Variants in AFF3 observed in about 807,000 individuals in gnomAD.
The protein encoded by AFF3 is ALF transcription elongation factor 3.
In AFF3, 32 loss-of-function variants were observed where a neutral mutation model predicts 129.7. That is an observed-to-expected ratio of 0.25 (90% CI 0.19 to 0.33). AFF3 has a LOEUF of 0.33. AFF3 is among the 10% of genes least tolerant of loss of function. The pLI is 1.00. For missense variants in AFF3, 1,373 were observed against 1,592.0 expected (o/e 0.86, Z 2.34); for synonymous variants, 644 against 635.4 (o/e 1.01, Z -0.20).
chr2:99,912,073 A>G (rs1478830330), intron 7 of AFF3, among the ~76,000 whole-genome samples: 1 of 152,204 alleles, frequency 6.6e-6, no homozygotes, highest in Non-Finnish European at 1.5e-5. Flanking sequence ...TCAGAGATCA[A>G]TGGGAGTAAT....
At chr2:99,621,534 T>G (rs1682013723) in intron 13 of AFF3, among the ~76,000 whole-genome samples, 1 of 152,238 alleles carries the variant, frequency 6.6e-6, no homozygotes, top group Admixed American at 6.5e-5. Context: ...CGGTGCTCCT[T>G]GCCTGTCACT....
At chr2:99,900,452 C>G (rs1694264339) in intron 7 of AFF3, among the ~76,000 whole-genome samples, 3 of 152,150 alleles carry the variant, frequency 2.0e-5, no homozygotes, top group Admixed American at 2.0e-4. Context: ...CAGTGACCAC[C>G]CAGGGCTCAT....
At chr2:99,567,539 G>A (rs560023338) in intron 19 of AFF3, among the ~76,000 whole-genome samples, 1 of 152,160 alleles carries the variant, frequency 6.6e-6, no homozygotes, top group African/African-American at 2.4e-5. Context: ...TGATGGGGCC[G>A]CAGAGAGGCT....
chr2:99,946,435 C>A (rs1381057654), intron 7 of AFF3, among the ~76,000 whole-genome samples: 1 of 140,494 alleles, frequency 7.1e-6, no homozygotes, highest in African/African-American at 2.7e-5. Context: ...AATCACACCA[C>A]TGCACTCCAG....
At chr2:99,984,578 TAATGGAATAGA>T (rs1037067067) in intron 7 of AFF3, among the ~76,000 whole-genome samples, 8 of 152,022 alleles carry the variant, frequency 5.3e-5, no homozygotes, top group African/African-American at 1.4e-4. Flanking sequence ...AACGTAAAAA[TAATGGAATAGA>T]AATGGAAAGA....
In AFF3 at chr2:99,865,940, A is replaced by G. The variant is rs74572466; in HGVS notation, c.874-28416T>C. 6.5e-4 allele frequency among the ~76,000 whole-genome samples: 99 copies of G among 152,374 alleles called. 3 individuals carry two copies. The East Asian group carries it at 0.018, about 28-fold the overall frequency. ...GACACTACAGTTCAATCATTCATTC[A>G]ACAAATATGTTAAGCTCCTACGATG... On this transcript the variant is annotated intron_variant, in intron 7 of 24. Transcript: ENST00000672756.
At chr2:100,038,727 C>CT (rs769729156) in intron 4 of AFF3, among the ~76,000 whole-genome samples, 3,159 of 142,218 alleles carry the variant, frequency 0.022, 115 homozygotes, top group African/African-American at 0.073. Context: ...TCTTCTTCTT[C>CT]TTTTTTTTTT....
At chr2:100,079,298 C>T (rs1435654747) in intron 4 of AFF3, among the ~76,000 whole-genome samples, 2 of 152,086 alleles carry the variant, frequency 1.3e-5, no homozygotes, top group Admixed American at 6.5e-5. Context: ...ATGTGGAAAC[C>T]GCAGATATGG....
chr2:99,758,049 TG>T (rs920217391), intron 8 of AFF3, among the ~76,000 whole-genome samples: 3 of 152,208 alleles, frequency 2.0e-5, no homozygotes, highest in Non-Finnish European at 4.4e-5. Context: ...GCAGAATGGG[TG>T]CTCACTTCAT....
chr2:99,736,611 T>TG (rs1167578104), intron 10 of AFF3, among the ~76,000 whole-genome samples: 1 of 147,900 alleles, frequency 6.8e-6, no homozygotes, highest in Non-Finnish European at 1.5e-5. Flanking sequence ...ATTACTGATT[T>TG]TTTTTTTTTT....
intron 7 of AFF3, among the ~76,000 whole-genome samples, chr2:99,946,580 C>CCCCATACCCCCA (rs909151364): frequency 6.6e-6 from 1 of 151,076 alleles, no homozygotes; most frequent in African/African-American, 2.4e-5. Context: ...TGCAGAATTT[C>CCCCATACCCCCA]CCCATACCCC....
At chr2:99,954,161 G>A (rs1375302650) in intron 7 of AFF3, among the ~76,000 whole-genome samples, 1 of 152,098 alleles carries the variant, frequency 6.6e-6, no homozygotes, top group African/African-American at 2.4e-5. Flanking sequence ...GAGGGTCAGT[G>A]ATGTGTTTTT....
intron 4 of AFF3, among the ~76,000 whole-genome samples, chr2:100,016,582 C>CAGT (rs1457692395): frequency 8.0e-5 from 10 of 125,442 alleles, no homozygotes; most frequent in South Asian, 2.6e-4. Context: ...ATGTTAGTGA[C>CAGT]AGTAGTGATG....
chr2:99,785,330 C>T (rs145081803), intron 8 of AFF3, among the ~76,000 whole-genome samples: 5 of 152,304 alleles, frequency 3.3e-5, no homozygotes, highest in Non-Finnish European at 5.9e-5. Context: ...TCACATTAAA[C>T]GGCCATTTCC....
At chr2:100,137,121 C>T (rs181108416) in intron 1 of AFF3, among the ~76,000 whole-genome samples, 3 of 152,054 alleles carry the variant, frequency 2.0e-5, no homozygotes, top group Admixed American at 6.5e-5. Flanking sequence ...TTATTTTCAC[C>T]GCGTGGGATC....
At chr2:99,803,686 A>G (rs1053773448) in intron 8 of AFF3, among the ~76,000 whole-genome samples, 4 of 152,244 alleles carry the variant, frequency 2.6e-5, no homozygotes, top group Non-Finnish European at 4.4e-5. Context: ...AAACTATACT[A>G]TAAGGTTATA....
chr2:99,844,188 T>C (rs931591624), intron 7 of AFF3, among the ~76,000 whole-genome samples: 1 of 152,208 alleles, frequency 6.6e-6, no homozygotes. Context: ...GCCAAATCAA[T>C]GTACGAAGAG....
At chr2:99,809,519 G>A (rs1250944159) in intron 8 of AFF3, among the ~76,000 whole-genome samples, 1 of 152,146 alleles carries the variant, frequency 6.6e-6, no homozygotes, top group Non-Finnish European at 1.5e-5. Flanking sequence ...AGTGTCTGTC[G>A]GCTAGTGAAT....
At chr2:99,619,252 C>T (rs1008505099) in intron 13 of AFF3, among the ~76,000 whole-genome samples, 2 of 152,218 alleles carry the variant, frequency 1.3e-5, no homozygotes, top group African/African-American at 4.8e-5. Flanking sequence ...ATGTCAGCAG[C>T]ATGTGGTGTT....
Sources: allele counts gnomAD v4.1 joint callset (sites outside exome capture counted in the v4.1 genomes callset), GRCh38; gene constraint gnomAD v4.1.1; transcripts MANE v1.5; gene names NCBI Gene and HGNC (gene_info 2026-07-23, HGNC 2026-07-21).